The following BANK1 variants were observed in gnomAD, a reference collection of about 807,000 sequenced individuals.
BANK1 encodes B-cell scaffold protein with ankyrin repeats.
BANK1 carries 95 observed loss-of-function variants against 94.5 expected under a neutral mutation model. The observed-to-expected ratio is 1.00, with a 90% confidence interval of 0.85 to 1.19. BANK1 has a LOEUF of 1.19. BANK1 is among the 50% of genes most tolerant of loss of function. The probability of loss-of-function intolerance (pLI) is 0.00; values close to 1 mark genes in which losing one functional copy is unlikely to be tolerated. For missense variants in BANK1, 987 were observed against 932.2 expected (o/e 1.06, Z -0.77); for synonymous variants, 334 against 308.4 (o/e 1.08, Z -0.87).
chr4:101,814,526 T>A (rs1415486400), intron 1 of BANK1, among the ~76,000 whole-genome samples: 1 of 152,232 alleles, frequency 6.6e-6, no homozygotes, highest in African/African-American at 2.4e-5. Flanking sequence ...ATTCTCTTTT[T>A]AATCTGATCA....
At chr4:101,877,150 A>G (rs1728519988) in intron 5 of BANK1, among the ~76,000 whole-genome samples, 1 of 152,208 alleles carries the variant, frequency 6.6e-6, no homozygotes, top group African/African-American at 2.4e-5. Context: ...AGGGGTAATA[A>G]CAGATAATTT....
intron 1 of BANK1, among the ~76,000 whole-genome samples, chr4:101,801,202 T>G (rs1443791522): frequency 6.6e-6 from 1 of 152,202 alleles, no homozygotes; most frequent in African/African-American, 2.4e-5. Context: ...ACACCAGTTT[T>G]CAAAGACTGA....
chr4:102,006,858 T>A (rs1449774168), intron 7 of BANK1, among the ~76,000 whole-genome samples: 3 of 150,436 alleles, frequency 2.0e-5, no homozygotes, highest in African/African-American at 7.3e-5. Flanking sequence ...AACATAGGGG[T>A]AACTGGAATC....
chr4:101,925,882 G>C (rs1457256466), intron 7 of BANK1, among the ~76,000 whole-genome samples: 2 of 151,672 alleles, frequency 1.3e-5, no homozygotes, highest in African/African-American at 4.8e-5. Context: ...CAATTTCAGA[G>C]AATGCAAAAT....
At chr4:101,831,752 G>A (rs897530713) in intron 2 of BANK1, among the ~76,000 whole-genome samples, 9 of 152,184 alleles carry the variant, frequency 5.9e-5, no homozygotes, top group African/African-American at 2.2e-4. Flanking sequence ...TGGGATTACA[G>A]GTGTGATTAA....
At chr4:101,960,813 C>A (rs902066135) in intron 7 of BANK1, among the ~76,000 whole-genome samples, 1 of 152,124 alleles carries the variant, frequency 6.6e-6, no homozygotes, top group African/African-American at 2.4e-5. Context: ...ATGTAAGGAG[C>A]AAAGACTGAG....
intron 1 of BANK1, among the ~76,000 whole-genome samples, chr4:101,828,368 T>C (rs960135706): frequency 2.7e-5 from 4 of 147,706 alleles, no homozygotes; most frequent in Non-Finnish European, 5.9e-5. Context: ...ATCTAAGATA[T>C]GTAGATGAGT....
chr4:101,845,761 T>A (rs1306389827), intron 2 of BANK1, among the ~76,000 whole-genome samples: 1 of 152,236 alleles, frequency 6.6e-6, no homozygotes, highest in Non-Finnish European at 1.5e-5. Context: ...CAATCCTAAC[T>A]GAAACATCAA....
At chr4:101,974,390 A>G (rs1326365087) in intron 7 of BANK1, among the ~76,000 whole-genome samples, 1 of 152,196 alleles carries the variant, frequency 6.6e-6, no homozygotes, top group Non-Finnish European at 1.5e-5. Context: ...GATAAAAAGC[A>G]GAGAGAGGAG....
At chr4:102,059,354 A>C (rs1012972045) in intron 11 of BANK1, among the ~76,000 whole-genome samples, 4 of 152,222 alleles carry the variant, frequency 2.6e-5, no homozygotes, top group Non-Finnish European at 5.9e-5. Context: ...TACAAAAAGT[A>C]TGTTGCACTT....
intron 2 of BANK1, among the ~76,000 whole-genome samples, chr4:101,838,863 G>C (rs2148866752): frequency 6.6e-6 from 1 of 152,274 alleles, no homozygotes; most frequent in East Asian, 1.9e-4. Context: ...CTTAACATCA[G>C]TAACATTTTC....
At chr4:101,861,492 C>G (rs1727875072) in intron 3 of BANK1, among the ~76,000 whole-genome samples, 1 of 151,884 alleles carries the variant, frequency 6.6e-6, no homozygotes, top group Non-Finnish European at 1.5e-5. Context: ...CTAAGATAAT[C>G]ATAAAAAGAA....
Position 101,839,975 on chromosome 4 carries a change from T to A in BANK1, c.469+9769T>A, listed in dbSNP as rs1265598290. 1.0e-3 allele frequency among the ~76,000 whole-genome samples: 62 copies of A among 62,052 alleles called. 1 individual carries two copies. Among genetic ancestry groups the A allele is most frequent in the African/African-American group, 3.1e-3 (57 of 18,132 alleles). The allele number at this position is 62,052 out of a possible 152,430, so 40.7% of individuals were successfully genotyped here. A position where few individuals can be genotyped will look rare whatever the true frequency, so the allele number is the denominator to read the frequency against. ...TTTTTTTTTTTTTTTTTTTTTTTTT[T>A]TTTTTTTTTTTGAGACAGAGTCTCG... On this transcript the variant is annotated intron_variant, in intron 2 of 16. Coordinates refer to ENST00000322953, the MANE Select transcript of BANK1 (RefSeq NM_017935.5).
intron 2 of BANK1, among the ~76,000 whole-genome samples, chr4:101,833,258 C>T (rs910538933): frequency 1.3e-5 from 2 of 152,172 alleles, no homozygotes; most frequent in Non-Finnish European, 2.9e-5. Context: ...GGACTACAGG[C>T]GTGAGCCACT....
intron 11 of BANK1, among the ~76,000 whole-genome samples, chr4:102,050,967 C>T (rs748578239): frequency 1.3e-5 from 2 of 152,146 alleles, no homozygotes; most frequent in Non-Finnish European, 2.9e-5. Flanking sequence ...ATTCCTCACT[C>T]GAGACTACAA....
At chr4:101,902,148 A>G (rs547845592) in intron 6 of BANK1, among the ~76,000 whole-genome samples, 2 of 152,310 alleles carry the variant, frequency 1.3e-5, no homozygotes, top group African/African-American at 4.8e-5. Context: ...GTGACCTGGA[A>G]AGATGAGAAT....
At chr4:102,010,004 C>A (rs1186169884) in intron 7 of BANK1, among the ~76,000 whole-genome samples, 1 of 152,126 alleles carries the variant, frequency 6.6e-6, no homozygotes, top group Non-Finnish European at 1.5e-5. Context: ...CCGTGGCTCA[C>A]GCCTGTAATC....
chr4:102,034,219 T>C (rs143524391), intron 10 of BANK1, among the ~76,000 whole-genome samples: 35 of 152,190 alleles, frequency 2.3e-4, no homozygotes, highest in Admixed American at 6.5e-4. Flanking sequence ...GAATAGAAGA[T>C]AGAGGAAAAA....
At chr4:101,808,945 C>A (rs1725652276) in intron 1 of BANK1, among the ~76,000 whole-genome samples, 2 of 152,070 alleles carry the variant, frequency 1.3e-5, no homozygotes, top group Non-Finnish European at 2.9e-5. Context: ...ATGGAGAGTC[C>A]TTAAAGAACT....
Sources: gnomAD v4.1 joint callset for allele counts (sites outside exome capture counted in the v4.1 genomes callset) on GRCh38, gnomAD v4.1.1 for gene constraint, MANE v1.5 for transcripts, NCBI Gene and HGNC (gene_info 2026-07-23, HGNC 2026-07-21) for gene names.